SYT10: variants seen among roughly 807,000 people sequenced by gnomAD.
The protein encoded by SYT10 is synaptotagmin-10.
In SYT10, 31 loss-of-function variants were observed where a neutral mutation model predicts 51.1. The observed-to-expected ratio is 0.61, with a 90% CI of 0.46 to 0.82. SYT10 has a LOEUF of 0.82. Among genes scored for constraint, SYT10 ranks in the 40% least tolerant of loss-of-function variants. The probability of loss-of-function intolerance (pLI) is 0.00; values close to 1 mark genes in which losing one functional copy is unlikely to be tolerated. For synonymous variants in SYT10, 233 were observed against 225.9 expected (o/e 1.03, Z -0.28); for missense variants, 603 against 634.0 (o/e 0.95, Z 0.53).
chr12:33,386,024 C>T (rs910369282), intron 3 of SYT10, among the ~76,000 whole-genome samples: 27 of 152,016 alleles, frequency 1.8e-4, no homozygotes, highest in African/African-American at 3.6e-4. Context: ...AAAACATCCC[C>T]GTCCACATTT....
chr12:33,388,625 C>T (rs1866178208), intron 3 of SYT10, among the ~76,000 whole-genome samples: 1 of 152,062 alleles, frequency 6.6e-6, no homozygotes, highest in African/African-American at 2.4e-5. Context: ...TTTCGCTGAA[C>T]AATCACAATA....
At chr12:33,431,601 A>G (rs1866597431) in intron 1 of SYT10, among the ~76,000 whole-genome samples, 1 of 152,170 alleles carries the variant, frequency 6.6e-6, no homozygotes, top group Admixed American at 6.5e-5. Context: ...AACATTTTGC[A>G]TTTTTGAAAT....
intron 2 of SYT10, among the ~76,000 whole-genome samples, chr12:33,408,715 T>C (rs1015007693): frequency 1.3e-5 from 2 of 152,224 alleles, no homozygotes; most frequent in Admixed American, 1.3e-4. Context: ...CTAAGGAAGA[T>C]TTCTAAACAG....
At chr12:33,389,610 T>TTTCAGGGAAAGTTTGA (rs1866187014) in intron 3 of SYT10, among the ~76,000 whole-genome samples, 1 of 152,052 alleles carries the variant, frequency 6.6e-6, no homozygotes. Flanking sequence ...TTCAGTGATA[T>TTTCAGGGAAAGTTTGA]ATTAGGAAGT....
rs1565499464 is a variant in SYT10 at position 33,426,353 on chromosome 12, C to G, written c.294G>C (p.Gln98His). The G allele has an allele frequency of 6.2e-7, 1 of 1,614,056 alleles. No individual in the cohort carries two copies. ...PVTSNITTLPQSISSAPTEVF... is the reference protein window; with the variant it reads ...PVTSNITTLPHSISSAPTEVF... ...CTTCAGTAGGAGCACTTGAAATGCTCTGTGGAAGCGTAGTGATGTTGGAAG... is the reference window on the plus strand; with the variant it reads ...CTTCAGTAGGAGCACTTGAAATGCTGTGTGGAAGCGTAGTGATGTTGGAAG... Residue 98 changes from glutamine to histidine, a missense_variant, in exon 2 of 7, where the codon CAG (glutamine) becomes CAC (histidine). Coordinates refer to ENST00000228567, the MANE Select transcript of SYT10 (RefSeq NM_198992.4).
At position 33,407,113 on chromosome 12, in the gene SYT10, T is replaced by C; in HGVS notation, c.753A>G (p.Lys251=). Residue 251 remains lysine, a synonymous_variant, in exon 3 of 7, where the codon AAA becomes AAG. Transcript: ENST00000228567. ...CAGGGAGATCTAAAGCTTTGATAAT[T>C]TTAACAACTAGAAGTTCATTTTCAT... is the stretch of plus-strand genomic sequence containing the variant. The part of the protein sequence containing the change: ...YDYENELLVV[K]IIKALDLPAK... 6.2e-7 allele frequency: 1 copy of C among 1,613,648 alleles called. No individual in the cohort carries two copies. Among genetic ancestry groups the C allele is most frequent in the South Asian group, 1.1e-5 (1 of 91,034 alleles).
At chr12:33,388,797 A>C (rs991469736) in intron 3 of SYT10, among the ~76,000 whole-genome samples, 1 of 152,236 alleles carries the variant, frequency 6.6e-6, no homozygotes, top group African/African-American at 2.4e-5. Flanking sequence ...TCAACCTCAC[A>C]GACTGAGTCA....
chr12:33,412,330 T>A (rs1448937878), intron 2 of SYT10, among the ~76,000 whole-genome samples: 1 of 152,084 alleles, frequency 6.6e-6, no homozygotes, highest in East Asian at 1.9e-4. Context: ...ACAGTTTAGC[T>A]AGTCAGTTAA....
chr12:33,408,959 C>T (rs1866382120), intron 2 of SYT10, among the ~76,000 whole-genome samples: 9 of 152,080 alleles, frequency 5.9e-5, no homozygotes, highest in Admixed American at 5.2e-4. Context: ...GTTCATTCCA[C>T]TCCTTTTCCA....
At chr12:33,434,719 C>T (rs1458306835) in intron 1 of SYT10, among the ~76,000 whole-genome samples, 3 of 152,078 alleles carry the variant, frequency 2.0e-5, no homozygotes, top group African/African-American at 4.8e-5. Context: ...GCAGGAGAAT[C>T]GCTTGAACTT....
chr12:33,406,828 C>A lies in SYT10; in HGVS notation c.1038G>T (p.Arg346Ser), dbSNP rs1245230357. The change falls in exon 3 of 7, where the codon AGG becomes AGT. Residue 346 changes from arginine (R) to serine (S), a missense_variant. Transcript: ENST00000228567. ...GAATATCTTTCCATACTGTGGCTTC[C>A]CTGGAGAGATCAGAGACTTCAAACA... The part of the protein sequence containing the change: ...DNLFEVSDLS[R>S]EATVWKDIHC... 1 of 1,613,628 alleles carries A rather than the reference C, an allele frequency of 6.2e-7. No individual in the cohort carries two copies. Among genetic ancestry groups the A allele is most frequent in the East Asian group, 2.2e-5 (1 of 44,846 alleles).
At chr12:33,428,496 T>G (rs1274348773) in intron 1 of SYT10, among the ~76,000 whole-genome samples, 1 of 152,216 alleles carries the variant, frequency 6.6e-6, no homozygotes, top group East Asian at 1.9e-4. Context: ...ATCATTAAAA[T>G]AAGTTCAATT....
At chr12:33,409,663 C>G (rs1241915907) in intron 2 of SYT10, among the ~76,000 whole-genome samples, 2 of 151,758 alleles carry the variant, frequency 1.3e-5, no homozygotes, top group East Asian at 3.9e-4. Context: ...ACAGGCGCCC[C>G]CTACCACGCC....
At chr12:33,415,702 A>C (rs1338316364) in intron 2 of SYT10, among the ~76,000 whole-genome samples, 2 of 152,224 alleles carry the variant, frequency 1.3e-5, no homozygotes, top group Admixed American at 6.5e-5. Context: ...CTTGAATAGC[A>C]AGACGAAATC....
rs1866065440 is a variant in SYT10, at chr12:33,376,719, T to C, written c.*111A>G. 1 of 1,210,946 alleles carries C rather than the reference T, an allele frequency of 8.3e-7. No homozygotes were observed. The highest frequency in any genetic ancestry group is 1.2e-6 in the Non-Finnish European group (1 of 852,300). 75.0% of individuals were successfully genotyped at this position (1,210,946 alleles called of 1,614,324 possible). Reference sequence around the variant, plus strand: ...AATAAAAAAGTGCACATCAAGTTTGTTCATTAGTACGGATATATTTCAAAT... The same window carrying C: ...AATAAAAAAGTGCACATCAAGTTTGCTCATTAGTACGGATATATTTCAAAT... On this transcript the variant is annotated 3_prime_UTR_variant, in exon 7 of 7. Transcript: ENST00000228567.
chr12:33,376,746 A>C lies in SYT10; in HGVS notation c.*84T>G, dbSNP rs1347950627. On this transcript the variant is annotated 3_prime_UTR_variant, in exon 7 of 7. Coordinates refer to ENST00000228567, the MANE Select transcript of SYT10 (RefSeq NM_198992.4). ...CATTAGTACGGATATATTTCAAATG[A>C]GGAAACCAAACCTTCCACTTTTTTT... 7.7e-5 allele frequency: 114 copies of C among 1,486,936 alleles called. No homozygotes were observed. Among genetic ancestry groups the C allele is most frequent in the Non-Finnish European group, 1.0e-4 (109 of 1,072,708 alleles). 92.1% of individuals were successfully genotyped at this position (1,486,936 alleles called of 1,614,324 possible). A position where few individuals can be genotyped will look rare whatever the true frequency, so the allele number is the denominator to read the frequency against.
intron 3 of SYT10, among the ~76,000 whole-genome samples, chr12:33,396,149 T>G (rs1866254176): frequency 6.6e-6 from 1 of 152,290 alleles, no homozygotes; most frequent in African/African-American, 2.4e-5. Context: ...GCCCATGAAC[T>G]TTTAAGGTAG....
Position 33,419,054 on chromosome 12 carries a change from C to T in SYT10, c.509+7084G>A, listed in dbSNP as rs200759895. 2.7e-4 allele frequency among the ~76,000 whole-genome samples: 41 copies of T among 152,200 alleles called. No individual in the cohort carries two copies. In the East Asian group the frequency reaches 7.6e-3, roughly 28 times the overall value. Reference sequence around the variant, plus strand: ...TCAGGGCCTTTGCAGTGCCTGCCTCCTCTACATAAAAAGCCCTCCCAGACT... The same window carrying T: ...TCAGGGCCTTTGCAGTGCCTGCCTCTTCTACATAAAAAGCCCTCCCAGACT... On this transcript the variant is annotated intron_variant, in intron 2 of 6. Coordinates refer to ENST00000228567, the MANE Select transcript of SYT10 (RefSeq NM_198992.4).
chr12:33,408,983 C>T (rs1392053246), intron 2 of SYT10, among the ~76,000 whole-genome samples: 1 of 151,940 alleles, frequency 6.6e-6, no homozygotes, highest in Non-Finnish European at 1.5e-5. Context: ...CTGTGGAGTC[C>T]AGATCCTTAT....
Sources: gnomAD v4.1 joint callset for allele counts (sites outside exome capture counted in the v4.1 genomes callset) on GRCh38, gnomAD v4.1.1 for gene constraint, MANE v1.5 for transcripts, NCBI Gene and HGNC (gene_info 2026-07-23, HGNC 2026-07-21) for gene names.